PNOC: variants seen among roughly 807,000 people sequenced by gnomAD.
PNOC encodes the protein nociceptin.
In PNOC, 10 loss-of-function variants were observed where a neutral mutation model predicts 15.6. That is an observed-to-expected ratio of 0.64 (90% confidence interval 0.40 to 1.09). PNOC has a LOEUF of 1.09. Among genes scored for constraint, PNOC ranks in the 50% least tolerant of loss-of-function variants. The pLI, the probability that PNOC is intolerant of heterozygous loss-of-function variation, is 0.01. For missense variants in PNOC, 220 were observed against 223.9 expected, an observed-to-expected ratio of 0.98 and a Z score of 0.11; for synonymous variants, 98 against 88.5, an observed-to-expected ratio of 1.11 and a Z score of -0.60.
intron 1 of PNOC, among the ~76,000 whole-genome samples, chr8:28,320,866 A>AAAG (rs1245804990): frequency 5.3e-5 from 8 of 151,846 alleles, no homozygotes; most frequent in East Asian, 1.9e-4. Flanking sequence ...AAAAAAAAAA[A>AAAG]AAGAAGAAGA....
intron 2 of PNOC, among the ~76,000 whole-genome samples, chr8:28,330,400 T>TTTTTTTTTTTTTTTTTTTTA (rs869258665): frequency 2.0e-5 from 2 of 102,226 alleles, no homozygotes; most frequent in Non-Finnish European, 4.1e-5. Context: ...TATTTTATTT[T>TTTTTTTTTTTTTTTTTTTTA]TTTTTTTTTT....
chr8:28,338,706 C>G, intron 2 of PNOC: 1 of 1,039,858 alleles, frequency 9.6e-7, no homozygotes. Context: ...CTCCAAAAAC[C>G]CGACTAAAGA....
chr8:28,339,530 C>T, intron 3 of PNOC, 39 bp downstream of exon 3: 1 of 1,430,032 alleles, frequency 7.0e-7, no homozygotes, highest in Non-Finnish European at 9.2e-7. Context: ...AAGGAGAGAC[C>T]TCACACACCA....
In PNOC at chr8:28,339,374, G is replaced by A. The variant is rs778996108; in HGVS notation, c.461G>A (p.Arg154Lys). The A allele has an allele frequency of 6.9e-6, 11 of 1,596,338 alleles. No individual in the cohort carries two copies. Among genetic ancestry groups the A allele is most frequent in the South Asian group, 6.8e-5 (6 of 88,510 alleles). ...CAGAAGCGGTTCAGTGAGTTTATGA[G>A]GCAATACTTGGTCCTGAGCATGCAG... ...ANQKRFSEFMRQYLVLSMQSS... is the reference protein window; with the variant it reads ...ANQKRFSEFMKQYLVLSMQSS... Residue 154 changes from arginine to lysine, a missense_variant, in exon 3 of 4, where the codon AGG (arginine) becomes AAG (lysine). Transcript: ENST00000301908.
chr8:28,341,617 A>G (rs1801520216), intron 3 of PNOC, among the ~76,000 whole-genome samples: 1 of 152,226 alleles, frequency 6.6e-6, no homozygotes, highest in African/African-American at 2.4e-5. Flanking sequence ...GCCTCTATCC[A>G]GGCAATTGGT....
intron 2 of PNOC, among the ~76,000 whole-genome samples, chr8:28,331,458 G>T (rs764747604): frequency 6.6e-6 from 1 of 151,944 alleles, no homozygotes; most frequent in African/African-American, 2.4e-5. Flanking sequence ...ATAAAGGATC[G>T]CCAAGATTCT....
At chr8:28,329,882 A>G (rs931862949) in intron 2 of PNOC, among the ~76,000 whole-genome samples, 1 of 152,222 alleles carries the variant, frequency 6.6e-6, no homozygotes, top group African/African-American at 2.4e-5. Context: ...ATTATAAGTA[A>G]TCCAGAGATG....
intron 2 of PNOC, among the ~76,000 whole-genome samples, chr8:28,331,958 C>T (rs2129880668): frequency 6.6e-6 from 1 of 152,326 alleles, no homozygotes; most frequent in Non-Finnish European, 1.5e-5. Context: ...TCCTAATAGG[C>T]ACATCTGCTG....
In PNOC at chr8:28,328,179, C is replaced by T. The variant is rs915243770; in HGVS notation, c.-23-956C>T. Among the ~76,000 whole-genome samples, 4 of 149,542 alleles carry T rather than the reference C, an allele frequency of 2.7e-5. No individual in the cohort carries two copies. In the East Asian group the frequency reaches 7.9e-4, roughly 30 times the overall value. On this transcript the variant is annotated intron_variant, in intron 1 of 3. Transcript: ENST00000301908. ...ACCTCCCAGGTTCAAGCAATACTCT[C>T]GCCTCAGCCTCCCAAGTAGCTAGGA...
intron 1 of PNOC, among the ~76,000 whole-genome samples, chr8:28,322,941 T>A (rs765306204): frequency 6.6e-6 from 1 of 152,214 alleles, no homozygotes; most frequent in Admixed American, 6.5e-5. Context: ...GAATATAAAA[T>A]TTTTTGGTAA....
intron 2 of PNOC, among the ~76,000 whole-genome samples, chr8:28,337,208 C>T (rs1801425536): frequency 6.6e-6 from 1 of 152,208 alleles, no homozygotes; most frequent in Non-Finnish European, 1.5e-5. Flanking sequence ...CAAATGTCCA[C>T]ATTCCAAACA....
At chr8:28,332,158 C>T (rs1801339144) in intron 2 of PNOC, among the ~76,000 whole-genome samples, 2 of 152,362 alleles carry the variant, frequency 1.3e-5, no homozygotes, top group Non-Finnish European at 2.9e-5. Context: ...ACAGTGCTCG[C>T]TAACCCCCCG....
At chr8:28,337,491 G>C (rs1415766213) in intron 2 of PNOC, among the ~76,000 whole-genome samples, 3 of 151,480 alleles carry the variant, frequency 2.0e-5, no homozygotes, top group African/African-American at 7.3e-5. Context: ...GCAGAGATGG[G>C]TTTTTGCCAT....
chr8:28,333,359 A>G (rs748327834), intron 2 of PNOC, among the ~76,000 whole-genome samples: 51 of 152,338 alleles, frequency 3.3e-4, no homozygotes, highest in Non-Finnish European at 6.9e-4. Context: ...CCAGATGCCC[A>G]TACGCATTCT....
intron 2 of PNOC, chr8:28,338,786 G>A (rs1045766831): frequency 1.3e-5 from 16 of 1,206,422 alleles, no homozygotes; most frequent in Non-Finnish European, 1.6e-5. Flanking sequence ...TGTGACACCA[G>A]AGGTAAGTTA....
intron 1 of PNOC, among the ~76,000 whole-genome samples, chr8:28,325,257 G>A (rs1288632210): frequency 6.7e-6 from 1 of 150,182 alleles, no homozygotes; most frequent in Non-Finnish European, 1.5e-5. Flanking sequence ...TCAGACCAGG[G>A]GGTGGACATG....
chr8:28,324,052 C>T (rs1382629311), intron 1 of PNOC, among the ~76,000 whole-genome samples: 1 of 152,074 alleles, frequency 6.6e-6, no homozygotes, highest in Non-Finnish European at 1.5e-5. Context: ...AGAGAAGGGT[C>T]GGGAGGTTGG....
intron 1 of PNOC, among the ~76,000 whole-genome samples, chr8:28,325,704 T>C (rs1585828829): frequency 6.7e-6 from 1 of 148,562 alleles, no homozygotes; most frequent in Non-Finnish European, 1.5e-5. Flanking sequence ...ATTAAGAGGC[T>C]GATACAGTTG....
At chr8:28,329,467 C>T (rs531028431) in intron 2 of PNOC, among the ~76,000 whole-genome samples, 184 bp downstream of exon 2, 8 of 152,318 alleles carry the variant, frequency 5.3e-5, no homozygotes, top group Admixed American at 4.6e-4. Flanking sequence ...CAGAACCTTA[C>T]GATCTTTCCA....
Sources: allele counts gnomAD v4.1 joint callset (sites outside exome capture counted in the v4.1 genomes callset), GRCh38; gene constraint gnomAD v4.1.1; transcripts MANE v1.5; gene names NCBI Gene and HGNC (gene_info 2026-07-23, HGNC 2026-07-21).